IGFBP4: variants seen among roughly 807,000 people sequenced by gnomAD.
IGFBP4 encodes the protein insulin like growth factor binding protein 4, also known as insulin-like growth factor-binding protein 4.
A neutral mutation model predicts 25.8 loss-of-function variants in IGFBP4; 9 were observed. That is an observed-to-expected ratio of 0.35 (90% CI 0.21 to 0.61). The LOEUF is 0.61. Among genes scored for constraint, IGFBP4 ranks in the 20% least tolerant of loss-of-function variants. The pLI is 0.77. For synonymous variants in IGFBP4, 153 were observed against 153.9 expected (o/e 0.99, Z 0.05); for missense variants, 315 against 365.3 (o/e 0.86, Z 1.12).
In IGFBP4 at chr17:40,453,803, C is replaced by A; in HGVS notation, c.508-125C>A. ...GGCCTCTCTCTTCACCTCACTGGGT[C>A]CTGCCCAGCCCCTGGGGCTCAGGCC... is the stretch of plus-strand genomic sequence containing the variant. On this transcript the variant is annotated intron_variant, in intron 2 of 3. Transcript: ENST00000269593. The surrounding 1 kb of genome is among the most constrained non-coding windows in gnomAD (Gnocchi z 4.0). 1 of 641,418 alleles carries A rather than the reference C, an allele frequency of 1.6e-6. No individual in the cohort carries two copies. The highest frequency in any genetic ancestry group is 2.6e-6 in the Non-Finnish European group (1 of 387,134). 39.7% of individuals were successfully genotyped at this position (641,418 alleles called of 1,614,324 possible).
chr17:40,457,674 TTTC>T lies in IGFBP4; in HGVS notation c.*1097_*1099del, dbSNP rs2035723295. ...AACCTACCAGTTGGCCATGATGTCT[TTTC>T]TTCTTTTTCTTTTTTTTAACAAAAC... is the stretch of plus-strand genomic sequence containing the variant. On this transcript the variant is annotated 3_prime_UTR_variant, in exon 4 of 4. Coordinates refer to ENST00000269593, the MANE Select transcript of IGFBP4 (RefSeq NM_001552.3). The T allele has an allele frequency of 6.6e-6, 1 of 152,152 alleles. No homozygotes were observed. The highest frequency in any genetic ancestry group is 6.5e-5 in the Admixed American group (1 of 15,272). The allele number at this position is 152,152 out of a possible 1,614,324, so 9.4% of individuals were successfully genotyped here.
rs1348744949 is a variant in IGFBP4, at chr17:40,453,935, G to A, written c.515G>A (p.Gly172Asp). The A allele has an allele frequency of 1.2e-6, 2 of 1,606,756 alleles. No individual in the cohort carries two copies. The highest frequency in any genetic ancestry group is 1.7e-5 in the Admixed American group (1 of 58,896). The change falls in exon 3 of 4, where the codon GGC (glycine) becomes GAC (aspartate). Residue 172 changes from glycine (G) to aspartate (D), a missense_variant. Physicochemically the swap from Gly to Asp is moderately conservative, Grantham distance 94 (BLOSUM62 -1). Transcript: ENST00000269593. The surrounding 1 kb of genome is among the most constrained non-coding windows in gnomAD (Gnocchi z 4.0). ...TGTCTTCCCCTCCTCCAGCCCCAGGGCTCCTGCCAGAGCGAGCTGCACCGG... is the reference window on the plus strand; with the variant it reads ...TGTCTTCCCCTCCTCCAGCCCCAGGACTCCTGCCAGAGCGAGCTGCACCGG... ...PREDARPVPQ[G>D]SCQSELHRAL...
intron 1 of IGFBP4, among the ~76,000 whole-genome samples, chr17:40,451,535 C>T (rs988311166): frequency 3.3e-5 from 5 of 151,980 alleles, no homozygotes; most frequent in African/African-American, 9.6e-5. Flanking sequence ...GCTCTGGGAT[C>T]GCTGCCACGC....
intron 1 of IGFBP4, among the ~76,000 whole-genome samples, chr17:40,446,985 G>A (rs1024874499): frequency 2.6e-5 from 4 of 152,344 alleles, no homozygotes; most frequent in South Asian, 4.1e-4. Flanking sequence ...CATCTTTTTA[G>A]CCTTACACAG....
chr17:40,450,449 G>A (rs376265550), intron 1 of IGFBP4, among the ~76,000 whole-genome samples: 2 of 152,298 alleles, frequency 1.3e-5, no homozygotes, highest in African/African-American at 4.8e-5. Context: ...TAACAGGGTG[G>A]GGCCTTTGTC....
intron 1 of IGFBP4, among the ~76,000 whole-genome samples, chr17:40,447,382 C>T (rs1385583203): frequency 1.3e-5 from 2 of 152,206 alleles, no homozygotes; most frequent in Admixed American, 6.5e-5. Flanking sequence ...GAGTGGACAG[C>T]GGAAAGATCA....
rs143529403 is a variant in IGFBP4, at chr17:40,456,740, CGTGT to C, written c.*166_*169del. 8.6e-5 allele frequency: 58 copies of C among 677,544 alleles called. No individual in the cohort carries two copies. The East Asian group carries it at 1.2e-3, about 14-fold the overall frequency. The allele number at this position is 677,544 out of a possible 1,614,324, so 42.0% of individuals were successfully genotyped here. Reference sequence around the variant, plus strand: ...GCGTGTGCACGTGTGCGTGTGCGTGCGTGTGTGTGTGTTTGTGAGCATGGGTGTG... The same window carrying C: ...GCGTGTGCACGTGTGCGTGTGCGTGCGTGTGTGTTTGTGAGCATGGGTGTG... On this transcript the variant is annotated 3_prime_UTR_variant, in exon 4 of 4. Transcript: ENST00000269593.
intron 1 of IGFBP4, among the ~76,000 whole-genome samples, chr17:40,451,825 A>G (rs2035684907): frequency 6.6e-6 from 1 of 152,030 alleles, no homozygotes; most frequent in Admixed American, 6.6e-5. Flanking sequence ...TTTTTTAAAA[A>G]AATGTATTTT....
At chr17:40,449,210 C>T (rs2035667815) in intron 1 of IGFBP4, among the ~76,000 whole-genome samples, 1 of 152,194 alleles carries the variant, frequency 6.6e-6, no homozygotes, top group Admixed American at 6.5e-5. Context: ...CCTCTGGACT[C>T]ACCCTGTGCC....
At chr17:40,456,275 C>T (rs2035713445) in intron 3 of IGFBP4, among the ~76,000 whole-genome samples, 174 bp from the exon 4 acceptor site, 5 of 152,164 alleles carry the variant, frequency 3.3e-5, no homozygotes, top group Non-Finnish European at 7.3e-5. Flanking sequence ...CCATGTTCTC[C>T]CTGCTCCAGT....
Position 40,443,823 on chromosome 17 carries a change from T to C in IGFBP4, c.88T>C (p.Cys30Arg). The C allele has an allele frequency of 6.5e-7, 1 of 1,535,578 alleles. No homozygotes were observed. The highest frequency in any genetic ancestry group is 2.4e-5 in the East Asian group (1 of 40,886). The change falls in exon 1 of 4, where the codon TGC becomes CGC. Residue 30 changes from cysteine to arginine, a missense_variant. Physicochemically the swap from Cys to Arg is radical, Grantham distance 180 (BLOSUM62 -3). Transcript: ENST00000269593. ...LGDEAIHCPP[C>R]SEEKLARCRP... ...CGACGAAGCCATCCACTGCCCGCCC[T>C]GCTCCGAGGAGAAGCTGGCGCGCTG...
chr17:40,445,411 C>T (rs1424977756), intron 1 of IGFBP4, among the ~76,000 whole-genome samples: 3 of 152,172 alleles, frequency 2.0e-5, no homozygotes, highest in South Asian at 4.1e-4. Context: ...TTGAAGCTTC[C>T]ATTGTTGCAG....
chr17:40,444,216 G>C (rs940505421), intron 1 of IGFBP4, 132 bp downstream of exon 1: 3 of 722,288 alleles, frequency 4.2e-6, no homozygotes, highest in Non-Finnish European at 7.0e-6. Flanking sequence ...TACGTGGCAG[G>C]GCCCGACTGG....
chr17:40,453,905 A>G lies in IGFBP4; in HGVS notation c.508-23A>G. The G allele has an allele frequency of 6.3e-7, 1 of 1,583,722 alleles. No individual in the cohort carries two copies. Among genetic ancestry groups the G allele is most frequent in the South Asian group, 1.1e-5 (1 of 87,688 alleles). On this transcript the variant is annotated intron_variant, in intron 2 of 3. Coordinates refer to ENST00000269593, the MANE Select transcript of IGFBP4 (RefSeq NM_001552.3). The surrounding 1 kb of genome is among the most constrained non-coding windows in gnomAD (Gnocchi z 4.0). ...CCTGCCTCTCTTCCTTCTGCTGAGC[A>G]ATTTTGTCTTCCCCTCCTCCAGCCC...
In IGFBP4 at chr17:40,443,950, C is replaced by G. The variant is rs2035625519; in HGVS notation, c.215C>G (p.Pro72Arg). The G allele has an allele frequency of 6.5e-7, 1 of 1,531,882 alleles. No homozygotes were observed. Among genetic ancestry groups the G allele is most frequent in the East Asian group, 2.5e-5 (1 of 40,638 alleles). The allele number at this position is 1,531,882 out of a possible 1,614,324, so 94.9% of individuals were successfully genotyped here. The change falls in exon 1 of 4, where the codon CCC becomes CGC. Residue 72 changes from proline to arginine, a missense_variant. Pro to Arg is a moderately radical substitution (Grantham distance 103). Transcript: ENST00000269593. ...GLGMPCGVYT[P>R]RCGSGLRCYP... ...GGGATGCCCTGCGGGGTGTACACCC[C>G]CCGTTGCGGCTCGGGCCTGCGCTGC...
intron 3 of IGFBP4, 98 bp from the exon 4 acceptor site, chr17:40,456,351 G>A (rs532958582): frequency 2.9e-4 from 376 of 1,299,098 alleles, no homozygotes; most frequent in Non-Finnish European, 3.5e-4. Flanking sequence ...AGCAGCGACC[G>A]TCTGACTTGG....
chr17:40,443,894 C>T lies in IGFBP4; in HGVS notation c.159C>T (p.Cys53=). The change falls in exon 1 of 4, where the codon TGC becomes TGT. Residue 53 remains cysteine, a synonymous_variant. Transcript: ENST00000269593. ...AGGAGCTGGTGCGAGAGCCGGGCTG[C>T]GGCTGTTGCGCCACTTGCGCCCTGG... is the stretch of plus-strand genomic sequence containing the variant. ...GCEELVREPG[C]GCCATCALGL... 2.0e-6 allele frequency: 3 copies of T among 1,529,996 alleles called. No homozygotes were observed. The highest frequency in any genetic ancestry group is 2.6e-6 in the Non-Finnish European group (3 of 1,143,978). 94.8% of individuals were successfully genotyped at this position (1,529,996 alleles called of 1,614,324 possible). A position where few individuals can be genotyped will look rare whatever the true frequency, so the allele number is the denominator to read the frequency against.
At chr17:40,446,310 TAAAA>T (rs34843649) in intron 1 of IGFBP4, among the ~76,000 whole-genome samples, 19 of 133,992 alleles carry the variant, frequency 1.4e-4, no homozygotes, top group Middle Eastern at 3.9e-3. Context: ...CTCTATTTCG[TAAAA>T]AAAAAAAAAA....
chr17:40,456,332 C>A, intron 3 of IGFBP4, 117 bp from the exon 4 acceptor site: 2 of 998,102 alleles, frequency 2.0e-6, no homozygotes, highest in Non-Finnish European at 1.5e-6. Context: ...CCCTCAGAGG[C>A]CATCTTGAAG....
Sources: gnomAD v4.1 joint callset for allele counts (sites outside exome capture counted in the v4.1 genomes callset) on GRCh38, gnomAD v4.1.1 for gene constraint, Gnocchi (gnomAD v3.1) non-coding constraint, MANE v1.5 for transcripts, NCBI Gene and HGNC (gene_info 2026-07-23, HGNC 2026-07-21) for gene names.